HS3ST4: variants seen among roughly 807,000 people sequenced by gnomAD.
HS3ST4 encodes the protein heparan sulfate glucosamine 3-O-sulfotransferase 4.
A neutral mutation model predicts 29.2 loss-of-function variants in HS3ST4; 17 were observed. The ratio of observed to expected loss-of-function variants is 0.58; its 90% CI spans 0.40 to 0.87. HS3ST4 has a LOEUF of 0.87. Among genes scored for constraint, HS3ST4 ranks in the 40% least tolerant of loss-of-function variants. The pLI is 0.00. For missense variants in HS3ST4, 627 were observed against 634.5 expected (o/e 0.99, Z 0.13); for synonymous variants, 314 against 285.7 (o/e 1.10, Z -1.00).
chr16:25,824,097 T>G (rs943336101), intron 1 of HS3ST4, among the ~76,000 whole-genome samples: 44 of 151,916 alleles, frequency 2.9e-4, no homozygotes, highest in African/African-American at 1.1e-3. Context: ...AAGTGTGGAG[T>G]GCAGTTCACT....
At chr16:26,059,791 T>G (rs1465220979) in intron 1 of HS3ST4, among the ~76,000 whole-genome samples, 2 of 152,160 alleles carry the variant, frequency 1.3e-5, no homozygotes, top group African/African-American at 4.8e-5. Flanking sequence ...ATTTTTATTT[T>G]TTTTGAGATG....
chr16:25,889,002 G>A (rs940824883), intron 1 of HS3ST4, among the ~76,000 whole-genome samples: 1 of 152,068 alleles, frequency 6.6e-6, no homozygotes, highest in Non-Finnish European at 1.5e-5. Context: ...GATGGATGAG[G>A]GTGTCAGGGT....
chr16:26,113,563 G>T (rs970250535), intron 1 of HS3ST4, among the ~76,000 whole-genome samples: 9 of 149,362 alleles, frequency 6.0e-5, no homozygotes, highest in African/African-American at 2.2e-4. Context: ...TAGTCTCCAG[G>T]CTGATTCTCC....
At chr16:25,773,360 T>A (rs1385891309) in intron 1 of HS3ST4, among the ~76,000 whole-genome samples, 2 of 152,184 alleles carry the variant, frequency 1.3e-5, no homozygotes. Context: ...ACTGAGATGC[T>A]CCTTCCTGTC....
intron 1 of HS3ST4, among the ~76,000 whole-genome samples, chr16:26,033,773 T>C (rs914185552): frequency 6.6e-6 from 1 of 152,004 alleles, no homozygotes; most frequent in Non-Finnish European, 1.5e-5. Context: ...GCAAACAGAC[T>C]GTAGAATTGA....
rs749830276 is a variant in HS3ST4 at position 26,135,582 on chromosome 16, C to T, written c.735-30C>T. The stretch of plus-strand genomic sequence containing the variant: ...TCAGATATTTCTGGACAGGAATAAC[C>T]ATTCTCTTCCTTTTTCCTCCCTCTC... On this transcript the variant is annotated intron_variant, in intron 1 of 1. Coordinates refer to ENST00000331351, the MANE Select transcript of HS3ST4 (RefSeq NM_006040.3). 2.2e-5 allele frequency: 34 copies of T among 1,548,200 alleles called. No homozygotes were observed. The Admixed American group carries it at 6.3e-4, about 29-fold the overall frequency.
At chr16:25,745,890 A>G (rs1966682237) in intron 1 of HS3ST4, among the ~76,000 whole-genome samples, 1 of 152,198 alleles carries the variant, frequency 6.6e-6, no homozygotes, top group Non-Finnish European at 1.5e-5. Context: ...TGGTCTGTAT[A>G]GTATCGTGGG....
chr16:25,805,323 G>A (rs1480331767), intron 1 of HS3ST4, among the ~76,000 whole-genome samples: 1 of 152,172 alleles, frequency 6.6e-6, no homozygotes, highest in African/African-American at 2.4e-5. Flanking sequence ...GCCATAGCTG[G>A]CATCAGTTCA....
chr16:25,924,646 C>A (rs554950353), intron 1 of HS3ST4, among the ~76,000 whole-genome samples: 1 of 152,174 alleles, frequency 6.6e-6, no homozygotes, highest in Non-Finnish European at 1.5e-5. Context: ...CCTGCAAATA[C>A]GACCTCTACC....
chr16:25,828,644 G>A (rs1210963879), intron 1 of HS3ST4, among the ~76,000 whole-genome samples: 3 of 151,980 alleles, frequency 2.0e-5, no homozygotes, highest in African/African-American at 4.8e-5. Context: ...CCTGGCCCCC[G>A]ATAAGTAGTT....
rs530186653 is a variant in HS3ST4 at position 25,910,429 on chromosome 16, T to G, written c.734+217278T>G. Among the ~76,000 whole-genome samples, 7 of 151,976 alleles carry G rather than the reference T, an allele frequency of 4.6e-5. No homozygotes were observed. The East Asian group carries it at 7.8e-4, about 17-fold the overall frequency. ...GCCGAGGCGGGCAGATCACCTGAGG[T>G]CAGGAGTTTGAGACCAACCTGGCCA... On this transcript the variant is annotated intron_variant, in intron 1 of 1. Coordinates refer to ENST00000331351, the MANE Select transcript of HS3ST4 (RefSeq NM_006040.3).
chr16:25,957,810 T>C (rs1228100475), intron 1 of HS3ST4, among the ~76,000 whole-genome samples: 3 of 152,222 alleles, frequency 2.0e-5, no homozygotes, highest in African/African-American at 7.2e-5. Flanking sequence ...TGGTGTTTTC[T>C]GGGAGCCTGC....
intron 1 of HS3ST4, among the ~76,000 whole-genome samples, chr16:25,753,298 T>A (rs1461515915): frequency 6.6e-6 from 1 of 152,216 alleles, no homozygotes; most frequent in Non-Finnish European, 1.5e-5. Flanking sequence ...CTTGAGACAT[T>A]TTCACGGGGC....
chr16:25,718,516 GA>G (rs1567226271), intron 1 of HS3ST4, among the ~76,000 whole-genome samples: 5 of 151,134 alleles, frequency 3.3e-5, no homozygotes, highest in Non-Finnish European at 5.9e-5. Flanking sequence ...GAGAGAGAGA[GA>G]GAAAGAAAGA....
At chr16:26,082,541 T>C (rs1898736344) in intron 1 of HS3ST4, among the ~76,000 whole-genome samples, 1 of 152,202 alleles carries the variant, frequency 6.6e-6, no homozygotes, top group African/African-American at 2.4e-5. Context: ...CATTTGTAAA[T>C]AATATTATGG....
intron 1 of HS3ST4, among the ~76,000 whole-genome samples, chr16:25,759,277 T>C (rs553870120): frequency 4.6e-5 from 7 of 152,360 alleles, no homozygotes; most frequent in African/African-American, 1.7e-4. Context: ...AAGGGCTGTG[T>C]ATCAACAATC....
intron 1 of HS3ST4, among the ~76,000 whole-genome samples, chr16:26,017,733 C>T (rs796194957): frequency 7.9e-5 from 12 of 152,206 alleles, no homozygotes; most frequent in African/African-American, 2.9e-4. Context: ...AGAAAAAGTC[C>T]TCAAGGGACT....
chr16:25,730,257 C>T (rs926748622), intron 1 of HS3ST4, among the ~76,000 whole-genome samples: 3 of 152,070 alleles, frequency 2.0e-5, no homozygotes, highest in Non-Finnish European at 2.9e-5. Flanking sequence ...CCTGTTGGTA[C>T]TTTGAGCCTA....
chr16:25,977,508 G>A (rs776627991), intron 1 of HS3ST4, among the ~76,000 whole-genome samples: 12 of 152,202 alleles, frequency 7.9e-5, no homozygotes, highest in Non-Finnish European at 1.6e-4. Context: ...AGACCCCTAG[G>A]ACCTCAAAGG....
Sources: allele counts gnomAD v4.1 joint callset (sites outside exome capture counted in the v4.1 genomes callset), GRCh38; gene constraint gnomAD v4.1.1; transcripts MANE v1.5; gene names NCBI Gene and HGNC (gene_info 2026-07-23, HGNC 2026-07-21).